The following AGAP1 variants were observed in gnomAD, a reference collection of about 807,000 sequenced individuals.
The protein encoded by AGAP1 is ArfGAP with GTPase domain, ankyrin repeat and PH domain 1.
In AGAP1, 29 loss-of-function variants were observed where a neutral mutation model predicts 105.3. The ratio of observed to expected loss-of-function variants is 0.28; its 90% CI spans 0.21 to 0.38. AGAP1 has a LOEUF of 0.38. AGAP1 is among the 10% of genes least tolerant of loss of function. AGAP1 has a pLI of 1.00. For synonymous variants in AGAP1, 509 were observed against 485.9 expected (o/e 1.05, Z -0.63); for missense variants, 998 against 1,165.1 (o/e 0.86, Z 2.09).
intron 1 of AGAP1, among the ~76,000 whole-genome samples, chr2:235,675,352 G>A (rs147303640): frequency 1.8e-4 from 28 of 152,042 alleles, no homozygotes; most frequent in Non-Finnish European, 2.9e-4. Flanking sequence ...CACCACGCCC[G>A]GCTAATTTAT....
intron 10 of AGAP1, among the ~76,000 whole-genome samples, chr2:235,899,465 A>T (rs2050959194): frequency 6.6e-6 from 1 of 152,228 alleles, no homozygotes; most frequent in South Asian, 2.1e-4. Flanking sequence ...GTGAACCAAG[A>T]TCATGCCACT....
rs954345468 is a variant in AGAP1, at chr2:236,049,161, A to C, written c.1994A>C (p.Asp665Ala). 6.2e-7 allele frequency: 1 copy of C among 1,614,084 alleles called. No individual in the cohort carries two copies. Among genetic ancestry groups the C allele is most frequent in the Non-Finnish European group, 8.5e-7 (1 of 1,180,044 alleles). The stretch of plus-strand genomic sequence containing the variant: ...CACCTTTCCCGAGTCCGATCTCTGG[A>C]CCTGGATGACTGGCCAGTCGAGCTC... The part of the protein sequence containing the change: ...GTHLSRVRSL[D>A]LDDWPVELIK... The change falls in exon 16 of 18, where the codon GAC becomes GCC. Residue 665 changes from aspartate (D) to alanine (A), a missense_variant. By Grantham distance (126) the Asp-to-Ala change is moderately radical. Around this residue, in one of 3 missense-constraint regions of AGAP1, gnomAD observed 28 missense variants for 61.0 expected, o/e 0.46. Transcript: ENST00000304032.
chr2:236,057,628 T>C (rs1012255316), intron 16 of AGAP1, among the ~76,000 whole-genome samples: 1 of 151,884 alleles, frequency 6.6e-6, no homozygotes, highest in Non-Finnish European at 1.5e-5. Context: ...TTTGGGAATA[T>C]AAAGCCTGTA....
chr2:235,781,987 G>T (rs1956291813), intron 6 of AGAP1, among the ~76,000 whole-genome samples: 2 of 152,156 alleles, frequency 1.3e-5, no homozygotes, highest in Admixed American at 6.5e-5. Flanking sequence ...ACACAATGTG[G>T]TTCCTTTCAT....
rs2059578809 is a variant in AGAP1 at position 236,109,022 on chromosome 2, T to C, written c.2115-11170T>C. Among the ~76,000 whole-genome samples, 1 of 152,206 alleles carries C rather than the reference T, an allele frequency of 6.6e-6. No individual in the cohort carries two copies. The highest frequency in any genetic ancestry group is 1.5e-5 in the Non-Finnish European group (1 of 68,034). The stretch of plus-strand genomic sequence containing the variant: ...CCTGCCAGGACCAAAACACAGCTGA[T>C]GGTGGCTGTGTGAGACCTCATCTTT... On this transcript the variant is annotated intron_variant, in intron 16 of 17. Coordinates refer to ENST00000304032, the MANE Select transcript of AGAP1 (RefSeq NM_001037131.3). The surrounding 1 kb of genome is among the most constrained non-coding windows in gnomAD (Gnocchi z 5.4).
intron 13 of AGAP1, among the ~76,000 whole-genome samples, chr2:236,028,138 C>T (rs2057113421): frequency 6.6e-6 from 1 of 152,132 alleles, no homozygotes; most frequent in African/African-American, 2.4e-5. Context: ...ATGGGGCTGA[C>T]CTTCCCAATC....
rs749357657 is a variant in AGAP1 at position 235,705,226 on chromosome 2, G to A, written c.164-3953G>A. Among the ~76,000 whole-genome samples the A allele has an allele frequency of 6.6e-6, 1 of 152,040 alleles. No individual in the cohort carries two copies. The highest frequency in any genetic ancestry group is 2.4e-5 in the African/African-American group (1 of 41,396). ...ACTCCTGACCTCAGGTGATCTGCGC[G>A]CCTCGGCCTCCTAAAGTGTTGGGAT... On this transcript the variant is annotated intron_variant, in intron 1 of 17. Transcript: ENST00000304032. This position sits in a 1 kb window ranked among gnomAD's most constrained non-coding sequence, Gnocchi z 4.9.
intron 1 of AGAP1, among the ~76,000 whole-genome samples, chr2:235,585,234 C>T (rs1168224155): frequency 1.3e-5 from 2 of 152,178 alleles, no homozygotes; most frequent in Non-Finnish European, 2.9e-5. Context: ...AAATCAAAGG[C>T]TGTGCTCCTT....
intron 9 of AGAP1, among the ~76,000 whole-genome samples, chr2:235,817,253 G>A (rs1407010945): frequency 3.3e-5 from 5 of 151,934 alleles, no homozygotes; most frequent in South Asian, 4.1e-4. Flanking sequence ...CAAGACTGTC[G>A]CTGTGGTTCT....
chr2:235,501,338 A>C (rs1048096024), intron 1 of AGAP1, among the ~76,000 whole-genome samples: 4 of 152,094 alleles, frequency 2.6e-5, no homozygotes, highest in African/African-American at 7.2e-5. Context: ...GTTGCTTTTT[A>C]ATGTAGTCTT....
At chr2:236,065,581 A>G (rs534262634) in intron 16 of AGAP1, among the ~76,000 whole-genome samples, 6 of 152,378 alleles carry the variant, frequency 3.9e-5, no homozygotes, top group South Asian at 2.1e-4. Flanking sequence ...AGGGAGGCCC[A>G]CAGGGGCTGC....
intron 12 of AGAP1, among the ~76,000 whole-genome samples, chr2:235,945,870 G>T (rs1413244164): frequency 6.8e-6 from 1 of 147,556 alleles, no homozygotes; most frequent in Admixed American, 6.8e-5. Flanking sequence ...CAGAGGGGGA[G>T]CCGGCACTTC....
At chr2:235,682,792 GCA>G (rs1949150746) in intron 1 of AGAP1, among the ~76,000 whole-genome samples, 2 of 121,276 alleles carry the variant, frequency 1.6e-5, no homozygotes, top group African/African-American at 3.3e-5. Context: ...GTGGGTGTGT[GCA>G]CACGTGTGTG....
chr2:235,588,497 G>T (rs1945208504), intron 1 of AGAP1, among the ~76,000 whole-genome samples: 2 of 151,890 alleles, frequency 1.3e-5, no homozygotes, highest in African/African-American at 2.4e-5. Context: ...CTACACCCTG[G>T]TCATATCTGG....
At chr2:235,911,222 G>A (rs1238184103) in intron 11 of AGAP1, among the ~76,000 whole-genome samples, 3 of 152,166 alleles carry the variant, frequency 2.0e-5, no homozygotes, top group Non-Finnish European at 4.4e-5. Context: ...TCTAACGTGT[G>A]CCTGAGTCAC....
At chr2:235,771,276 GCCGC>G (rs1955423139) in intron 6 of AGAP1, among the ~76,000 whole-genome samples, 1 of 152,218 alleles carries the variant, frequency 6.6e-6, no homozygotes, top group Non-Finnish European at 1.5e-5. Context: ...TCAGAGGCAG[GCCGC>G]CTCCAGAGGG....
intron 1 of AGAP1, among the ~76,000 whole-genome samples, chr2:235,506,560 T>A (rs1284925290): frequency 6.6e-6 from 1 of 152,062 alleles, no homozygotes; most frequent in Non-Finnish European, 1.5e-5. Flanking sequence ...TGATATTGTC[T>A]TTTGGGGGGT....
intron 1 of AGAP1, among the ~76,000 whole-genome samples, chr2:235,595,136 A>G (rs1030127916): frequency 2.0e-5 from 3 of 152,128 alleles, no homozygotes; most frequent in Non-Finnish European, 2.9e-5. Context: ...AATAAGGGGC[A>G]GCCTTGACTC....
chr2:236,040,709 G>T lies in AGAP1; in HGVS notation c.1801-42G>T. ...GTTATCAGTGATGTGCGTTTCTCCC[G>T]GGGTGCTTACGCCTTGTATTTGTGT... On this transcript the variant is annotated intron_variant, in intron 14 of 17. Transcript: ENST00000304032. The surrounding 1 kb of genome is among the most constrained non-coding windows in gnomAD (Gnocchi z 5.6). The T allele has an allele frequency of 6.3e-7, 1 of 1,598,304 alleles. No individual in the cohort carries two copies.
Sources: allele counts gnomAD v4.1 joint callset (sites outside exome capture counted in the v4.1 genomes callset), GRCh38; gene constraint gnomAD v4.1.1; regional missense constraint gnomAD v4.1.1; non-coding constraint Gnocchi (gnomAD v3.1); transcripts MANE v1.5; gene names NCBI Gene and HGNC (gene_info 2026-07-23, HGNC 2026-07-21).